Variants in MTHFSD observed in about 807,000 individuals in gnomAD.
The protein encoded by MTHFSD is methenyltetrahydrofolate synthetase domain containing.
Under a neutral mutation model 31.1 loss-of-function variants are expected in MTHFSD, and 37 were observed. The observed-to-expected ratio is 1.19, with a 90% CI of 0.91 to 1.56. MTHFSD has a LOEUF of 1.56. Ranked by LOEUF, MTHFSD falls within the 40% of genes most tolerant of loss-of-function variation. The pLI is 0.00. For missense variants in MTHFSD, 664 were observed against 510.1 expected (o/e 1.30, Z -2.91); for synonymous variants, 221 against 206.9 (o/e 1.07, Z -0.59).
chr16:86,546,474 C>A, intron 5 of MTHFSD, 85 bp downstream of exon 5: 7 of 1,214,626 alleles, frequency 5.8e-6, no homozygotes, highest in South Asian at 2.4e-5. Flanking sequence ...ACACCACTGG[C>A]GACTTTTGAA....
At chr16:86,541,220 G>A in intron 7 of MTHFSD, 3 of 1,289,082 alleles carry the variant, frequency 2.3e-6, no homozygotes, top group Non-Finnish European at 3.0e-6. Context: ...AACCACAAAT[G>A]CATAAAATGT....
chr16:86,534,862 T>G (rs920575964), intron 7 of MTHFSD, among the ~76,000 whole-genome samples: 1 of 152,124 alleles, frequency 6.6e-6, no homozygotes, highest in African/African-American at 2.4e-5. Flanking sequence ...GGATGCACCC[T>G]CCGGGTAAGC....
At chr16:86,553,516 A>G in intron 2 of MTHFSD, 1 of 152,648 alleles carries the variant, frequency 6.6e-6, no homozygotes. Flanking sequence ...CCGCACTCAC[A>G]GCGGCTGGCC....
rs754327528 is a variant in MTHFSD at position 86,532,205 on chromosome 16, T to C, written c.958A>G (p.Ser320Gly). Residue 320 changes from serine (S) to glycine (G), a missense_variant, in exon 8 of 8, where the codon AGT becomes GGT. By Grantham distance (56) the Ser-to-Gly change is moderately conservative. Transcript: ENST00000360900. ...VGNLPGDARV[S>G]DLKRALRELG... The stretch of plus-strand genomic sequence containing the variant: ...TCCCGCAGGGCTCTCTTCAGGTCAC[T>C]CACACGGGCGTCCCCGGGGAGGTTC... 2.5e-6 allele frequency: 4 copies of C among 1,586,280 alleles called. No individual in the cohort carries two copies. The highest frequency in any genetic ancestry group is 4.6e-5 in the East Asian group (2 of 43,670).
intron 1 of MTHFSD, 138 bp downstream of exon 1, chr16:86,555,031 C>G: frequency 6.9e-7 from 1 of 1,445,914 alleles, no homozygotes; most frequent in Non-Finnish European, 9.1e-7. Context: ...CCAGCACAGA[C>G]CCCCTCTGAC....
At position 86,552,146 on chromosome 16, in the gene MTHFSD, C is replaced by A; in HGVS notation, c.124G>T (p.Gly42Trp). The A allele has an allele frequency of 6.2e-7, 1 of 1,614,158 alleles. No homozygotes were observed. Among genetic ancestry groups the A allele is most frequent in the East Asian group, 2.2e-5 (1 of 44,884 alleles). The change falls in exon 3 of 8, where the codon GGG (glycine) becomes TGG (tryptophan). Residue 42 changes from glycine (G) to tryptophan (W), a missense_variant and splice_region_variant. Physicochemically the swap from Gly to Trp is radical, Grantham distance 184. Transcript: ENST00000360900. ...ATGTTTTGGCAAGCCAGATAAGACC[C>A]CTAGTTAGGCAAATAGACAGAGTTG... ...PVHHRIPNFK[G>W]SYLACQNIKD...
At chr16:86,551,392 C>A (rs1034053877) in intron 3 of MTHFSD, among the ~76,000 whole-genome samples, 7 of 152,216 alleles carry the variant, frequency 4.6e-5, no homozygotes, top group African/African-American at 1.7e-4. Flanking sequence ...CATAATACCA[C>A]AACTGTGGCA....
rs1458903424 is a variant in MTHFSD at position 86,532,069 on chromosome 16, A to G, written c.1094T>C (p.Leu365Pro). 1 of 1,522,090 alleles carries G rather than the reference A, an allele frequency of 6.6e-7. No homozygotes were observed. 94.3% of individuals were successfully genotyped at this position (1,522,090 alleles called of 1,614,324 possible). ...AQQAVSCLQGLRLGTDTLRVA... is the reference protein window; with the variant it reads ...AQQAVSCLQGPRLGTDTLRVA... ...CCTCAGGGTGTCGGTGCCCAGGCGC[A>G]GGCCCTGCAAGCAGGAGACGGCCTG... Residue 365 changes from leucine to proline, a missense_variant, in exon 8 of 8, where the codon CTG (leucine) becomes CCG (proline). Leu to Pro is a moderately conservative substitution (Grantham distance 98). Coordinates refer to ENST00000360900, the MANE Select transcript of MTHFSD (RefSeq NM_001159377.2).
intron 7 of MTHFSD, chr16:86,540,583 T>C: frequency 1.3e-6 from 1 of 775,204 alleles, no homozygotes; most frequent in Non-Finnish European, 1.6e-6. Context: ...CTAATGCCCT[T>C]GTGCAACCTT....
At chr16:86,540,880 C>G in intron 7 of MTHFSD, 1 of 1,108,772 alleles carries the variant, frequency 9.0e-7, no homozygotes, top group Non-Finnish European at 1.1e-6. Flanking sequence ...CCCAGCAGTG[C>G]CTGCCCAGGA....
intron 1 of MTHFSD, 86 bp from the exon 2 acceptor site, chr16:86,554,837 C>T (rs1394424311): frequency 1.6e-6 from 2 of 1,232,620 alleles, no homozygotes; most frequent in Non-Finnish European, 2.3e-6. Context: ...AAGCGACCCC[C>T]GCGTGTAGGT....
At chr16:86,537,842 C>T (rs748740988) in intron 7 of MTHFSD, among the ~76,000 whole-genome samples, 28 of 152,276 alleles carry the variant, frequency 1.8e-4, no homozygotes, top group Non-Finnish European at 3.2e-4. Flanking sequence ...AGTATAAGCA[C>T]GAGCGTGGCT....
At position 86,542,007 on chromosome 16, in the gene MTHFSD, G is replaced by A; in HGVS notation, c.555+94C>T. 1.5e-6 allele frequency: 2 copies of A among 1,364,660 alleles called. No individual in the cohort carries two copies. Among genetic ancestry groups the A allele is most frequent in the Non-Finnish European group, 2.0e-6 (2 of 978,654 alleles). The allele number at this position is 1,364,660 out of a possible 1,614,324, so 84.5% of individuals were successfully genotyped here. A position where few individuals can be genotyped will look rare whatever the true frequency, so the allele number is the denominator to read the frequency against. On this transcript the variant is annotated intron_variant, in intron 6 of 7. Transcript: ENST00000360900. The surrounding 1 kb of genome is among the most constrained non-coding windows in gnomAD (Gnocchi z 4.6). The stretch of plus-strand genomic sequence containing the variant: ...GCTGATCCACACCACTCGCCACACA[G>A]CATGGTTCAGAAGCAGATGAGTCTC...
chr16:86,539,286 C>T (rs576265193), intron 7 of MTHFSD, among the ~76,000 whole-genome samples: 35 of 152,304 alleles, frequency 2.3e-4, no homozygotes, highest in African/African-American at 8.2e-4. Flanking sequence ...TAGGGAGACA[C>T]GTGCAGGACC....
At chr16:86,532,579 C>T (rs1175733635) in intron 7 of MTHFSD, 98 bp from the exon 8 acceptor site, 7 of 996,604 alleles carry the variant, frequency 7.0e-6, no homozygotes, top group Non-Finnish European at 6.8e-6. Flanking sequence ...GTGCTGCACA[C>T]GTGGACTGGA....
At chr16:86,555,061 G>A (rs1182431620) in intron 1 of MTHFSD, 108 bp downstream of exon 1, 38 of 1,480,994 alleles carry the variant, frequency 2.6e-5, no homozygotes, top group Middle Eastern at 3.5e-4. Context: ...CGCTTCCGGT[G>A]ATTCTGCCCC....
chr16:86,547,904 T>G (rs1972564813), intron 4 of MTHFSD: 1 of 495,138 alleles, frequency 2.0e-6, no homozygotes, highest in South Asian at 2.9e-5. Context: ...GTCACCAAAT[T>G]CGACTTAACT....
intron 4 of MTHFSD, chr16:86,548,248 C>A: frequency 2.1e-6 from 2 of 956,164 alleles, no homozygotes; most frequent in Non-Finnish European, 3.0e-6. Flanking sequence ...CAATTTCGTG[C>A]AAAATAGAAA....
intron 2 of MTHFSD, chr16:86,553,188 C>T (rs542694422): frequency 6.6e-6 from 1 of 152,344 alleles, no homozygotes; most frequent in South Asian, 2.1e-4. Context: ...AAAGCCATTA[C>T]GACAATAACA....
Sources: allele counts gnomAD v4.1 joint callset (sites outside exome capture counted in the v4.1 genomes callset), GRCh38; gene constraint gnomAD v4.1.1; non-coding constraint Gnocchi (gnomAD v3.1); transcripts MANE v1.5; gene names NCBI Gene and HGNC (gene_info 2026-07-23, HGNC 2026-07-21).